The following MUC13 variants were observed in gnomAD, a reference collection of about 807,000 sequenced individuals.
MUC13 encodes mucin-13.
MUC13 carries 32 observed loss-of-function variants against 48.3 expected under a neutral mutation model. The observed-to-expected ratio is 0.66, with a 90% CI of 0.50 to 0.89. MUC13 has a LOEUF of 0.89. MUC13 is among the 40% of genes least tolerant of loss of function. The pLI is 0.00. For synonymous variants in MUC13, 199 were observed against 224.9 expected, an observed-to-expected ratio of 0.88 and a Z score of 1.03; for missense variants, 571 against 622.8, an observed-to-expected ratio of 0.92 and a Z score of 0.88.
intron 5 of MUC13, among the ~76,000 whole-genome samples, chr3:124,918,064 A>C (rs1273144788): frequency 6.6e-6 from 1 of 152,174 alleles, no homozygotes; most frequent in Non-Finnish European, 1.5e-5. Context: ...TTGTGGCCCG[A>C]GACCAGTCAG....
intron 10 of MUC13, among the ~76,000 whole-genome samples, chr3:124,909,338 A>T (rs1408468457): frequency 6.6e-6 from 1 of 152,192 alleles, no homozygotes; most frequent in African/African-American, 2.4e-5. Flanking sequence ...TGGGAAAAAG[A>T]TCACAGCATT....
Position 124,922,242 on chromosome 3 carries a change from T to A in MUC13, c.699A>T (p.Lys233Asn). 1.2e-6 allele frequency: 2 copies of A among 1,614,162 alleles called. No individual in the cohort carries two copies. Residue 233 changes from lysine to asparagine, a missense_variant, in exon 4 of 12, where the codon AAA becomes AAT. Lys to Asn is a moderately conservative substitution (Grantham distance 94, BLOSUM62 0). Transcript: ENST00000616727. The stretch of plus-strand genomic sequence containing the variant: ...GCAAGTCTTGATAGGCCATGGAATG[T>A]TTCTCTTCTGGGTCAAATGTTTCTG... The part of the protein sequence containing the change: ...TVSETFDPEE[K>N]HSMAYQDLHS...
chr3:124,933,106 C>T (rs1935823609), intron 1 of MUC13, among the ~76,000 whole-genome samples: 1 of 152,100 alleles, frequency 6.6e-6, no homozygotes, highest in African/African-American at 2.4e-5. Flanking sequence ...GTGAGCCCTC[C>T]CCTCCTGTGC....
intron 5 of MUC13, among the ~76,000 whole-genome samples, chr3:124,919,728 A>G (rs1935562265): frequency 6.6e-6 from 1 of 152,136 alleles, no homozygotes; most frequent in East Asian, 1.9e-4. Flanking sequence ...AGCACTTGCC[A>G]TTACATATTG....
intron 11 of MUC13, 61 bp downstream of exon 11, chr3:124,908,086 G>T (rs1420586122): frequency 1.3e-6 from 2 of 1,532,790 alleles, no homozygotes; most frequent in Non-Finnish European, 1.8e-6. Context: ...CAGCAACCAG[G>T]TCTCTGCTCT....
chr3:124,919,628 C>T (rs898910770), intron 5 of MUC13, among the ~76,000 whole-genome samples: 3 of 152,146 alleles, frequency 2.0e-5, no homozygotes, highest in African/African-American at 4.8e-5. Flanking sequence ...AGCCTAAGTA[C>T]GTGTGTATTA....
chr3:124,909,135 C>T (rs1935373834), intron 10 of MUC13, among the ~76,000 whole-genome samples: 1 of 151,108 alleles, frequency 6.6e-6, no homozygotes. Flanking sequence ...GCCTGGGCGA[C>T]AGACCAAGAC....
chr3:124,930,211 G>A (rs567342476), intron 1 of MUC13, among the ~76,000 whole-genome samples: 10 of 152,344 alleles, frequency 6.6e-5, no homozygotes, highest in Non-Finnish European at 1.2e-4. Flanking sequence ...TTATGACAAG[G>A]AGTTTTGGAC....
In MUC13 at chr3:124,908,233, G is replaced by A; in HGVS notation, c.1453C>T (p.Pro485Ser). ...CTGGAGGCCGTTATCCTGACCTTAG[G>A]AAAGACGCTCCCTTCTGCTCCAAGA... ...TNLGAEGSVF[P>S]KVRITASRDS... Residue 485 changes from proline (P) to serine (S), a missense_variant, in exon 11 of 12, where the codon CCT becomes TCT. Pro to Ser is a moderately conservative substitution (Grantham distance 74). Transcript: ENST00000616727. The A allele has an allele frequency of 6.2e-7, 1 of 1,614,174 alleles. No individual in the cohort carries two copies. Among genetic ancestry groups the A allele is most frequent in the Non-Finnish European group, 8.5e-7 (1 of 1,180,044 alleles).
chr3:124,934,215 C>T (rs115974411), intron 1 of MUC13, among the ~76,000 whole-genome samples: 3,091 of 152,160 alleles, frequency 0.02, 114 homozygotes, highest in African/African-American at 0.069. Context: ...TCTGTCACTC[C>T]GTGTCATCTC....
chr3:124,926,941 A>G (rs1935696981), intron 2 of MUC13, among the ~76,000 whole-genome samples: 1 of 152,184 alleles, frequency 6.6e-6, no homozygotes, highest in South Asian at 2.1e-4. Context: ...CTTCTGCTTG[A>G]GGTCACTTGT....
intron 3 of MUC13, among the ~76,000 whole-genome samples, chr3:124,923,210 A>T (rs1935631836): frequency 6.6e-6 from 1 of 152,040 alleles, no homozygotes; most frequent in Non-Finnish European, 1.5e-5. Flanking sequence ...GTACTCCTGA[A>T]ATCCATTTTT....
intron 4 of MUC13, among the ~76,000 whole-genome samples, chr3:124,920,963 T>C (rs139550066): frequency 5.3e-5 from 8 of 152,350 alleles, no homozygotes; most frequent in Non-Finnish European, 8.8e-5. Context: ...ACAGATCCTA[T>C]CCTAGCGTTG....
At chr3:124,911,827 G>T (rs1935424996) in intron 9 of MUC13, among the ~76,000 whole-genome samples, 1 of 152,128 alleles carries the variant, frequency 6.6e-6, no homozygotes, top group Non-Finnish European at 1.5e-5. Context: ...TCAACATAAT[G>T]CTAAGATGCC....
In MUC13 at chr3:124,931,980, G is replaced by A. The variant is rs539137201; in HGVS notation, c.52+2681C>T. 2.6e-5 allele frequency among the ~76,000 whole-genome samples: 4 copies of A among 152,038 alleles called. No homozygotes were observed. The South Asian group carries it at 8.3e-4, about 32-fold the overall frequency. ...GAATTGCTTGAACCTGGCAGGCGGA[G>A]GTTGCAGTGAGCCAAGATGGCGCCA... On this transcript the variant is annotated intron_variant, in intron 1 of 11. Coordinates refer to ENST00000616727, the MANE Select transcript of MUC13 (RefSeq NM_033049.4).
In MUC13 at chr3:124,913,160, A is replaced by T. The variant is rs1559997223; in HGVS notation, c.1165T>A (p.Cys389Ser). Residue 389 changes from cysteine to serine, a missense_variant, in exon 8 of 12, where the codon TGT becomes AGT. Cys to Ser is a moderately radical substitution (Grantham distance 112). Transcript: ENST00000616727. ...TCCTGGTAGCCGGGCACGCACGCAC[A>T]CTCAGGGGCCCCACCACTCTTCTTT... ...LIKKSGGAPE[C>S]ACVPGYQEDA... is the part of the protein sequence containing the mutation. 6.2e-7 allele frequency: 1 copy of T among 1,613,884 alleles called. No individual in the cohort carries two copies. The highest frequency in any genetic ancestry group is 8.5e-7 in the Non-Finnish European group (1 of 1,179,978).
intron 4 of MUC13, 70 bp downstream of exon 4, chr3:124,922,127 G>A: frequency 1.3e-6 from 2 of 1,569,200 alleles, no homozygotes; most frequent in South Asian, 1.2e-5. Context: ...CTGAAGACCA[G>A]CTCTACACTC....
At chr3:124,923,016 C>T (rs1024364331) in intron 3 of MUC13, among the ~76,000 whole-genome samples, 7 of 151,320 alleles carry the variant, frequency 4.6e-5, no homozygotes, top group South Asian at 4.2e-4. Context: ...TTGGTATATC[C>T]CTAACCCCAG....
intron 1 of MUC13, among the ~76,000 whole-genome samples, chr3:124,932,856 C>T (rs1935820308): frequency 6.6e-6 from 1 of 152,130 alleles, no homozygotes; most frequent in Admixed American, 6.5e-5. Context: ...GGTCAAGAAA[C>T]ATCTCCATTC....
Sources: gnomAD v4.1 joint callset for allele counts (sites outside exome capture counted in the v4.1 genomes callset) on GRCh38, gnomAD v4.1.1 for gene constraint, MANE v1.5 for transcripts, NCBI Gene and HGNC (gene_info 2026-07-23, HGNC 2026-07-21) for gene names.